Variants in NEGR1 observed in about 807,000 individuals in gnomAD.
The protein encoded by NEGR1 is IgLON family member 4.
A neutral mutation model predicts 40.9 loss-of-function variants in NEGR1; 10 were observed. The observed-to-expected ratio is 0.24, with a 90% confidence interval of 0.15 to 0.42. The LOEUF is 0.42. Ranked by LOEUF, NEGR1 falls within the 10% of genes least tolerant of loss-of-function variation. NEGR1 has a pLI of 1.00. For missense variants in NEGR1, 352 were observed against 438.9 expected (o/e 0.80, Z 1.77); for synonymous variants, 185 against 166.8 (o/e 1.11, Z -0.84).
At chr1:71,545,976 C>G (rs1325172336) in intron 6 of NEGR1, among the ~76,000 whole-genome samples, 1 of 151,634 alleles carries the variant, frequency 6.6e-6, no homozygotes, top group Non-Finnish European at 1.5e-5. Context: ...ATGGCTCAAC[C>G]ATTTCTATGG....
intron 4 of NEGR1, among the ~76,000 whole-genome samples, chr1:71,688,220 G>C (rs1653102522): frequency 6.7e-6 from 1 of 148,594 alleles, no homozygotes; most frequent in Admixed American, 6.8e-5. Context: ...TGAATTTAAA[G>C]CCAGGGTGCC....
chr1:71,812,268 G>A (rs1240919459), intron 2 of NEGR1, among the ~76,000 whole-genome samples: 1 of 152,022 alleles, frequency 6.6e-6, no homozygotes, highest in Non-Finnish European at 1.5e-5. Flanking sequence ...TGGTATATAT[G>A]TACCACATTT....
At chr1:71,514,203 GA>G (rs1375929758) in intron 6 of NEGR1, among the ~76,000 whole-genome samples, 2 of 115,188 alleles carry the variant, frequency 1.7e-5, no homozygotes, top group African/African-American at 7.4e-5. Flanking sequence ...CGGGAAGCTC[GA>G]ACTGGGTGGA....
At chr1:72,098,768 T>G (rs1031614204) in intron 1 of NEGR1, among the ~76,000 whole-genome samples, 1 of 152,168 alleles carries the variant, frequency 6.6e-6, no homozygotes, top group Non-Finnish European at 1.5e-5. Context: ...CTATAGTTAA[T>G]AACATCTAAT....
At chr1:71,912,679 C>A (rs1322783196) in intron 2 of NEGR1, among the ~76,000 whole-genome samples, 1 of 151,990 alleles carries the variant, frequency 6.6e-6, no homozygotes, top group Non-Finnish European at 1.5e-5. Flanking sequence ...TTTTTTGGAA[C>A]TTTTACTCCA....
At chr1:71,426,556 C>T (rs1646429956) in intron 6 of NEGR1, among the ~76,000 whole-genome samples, 1 of 152,144 alleles carries the variant, frequency 6.6e-6, no homozygotes, top group Admixed American at 6.6e-5. Flanking sequence ...TTAAAACAGT[C>T]TTCCCAAATG....
At chr1:71,460,279 T>C (rs1357619804) in intron 6 of NEGR1, among the ~76,000 whole-genome samples, 1 of 152,206 alleles carries the variant, frequency 6.6e-6, no homozygotes. Flanking sequence ...GCAGTCAGAC[T>C]AGACTGCTTC....
chr1:71,418,751 G>C (rs1646373413), intron 6 of NEGR1, among the ~76,000 whole-genome samples: 1 of 152,008 alleles, frequency 6.6e-6, no homozygotes, highest in Admixed American at 6.6e-5. Flanking sequence ...TCAAGGCCTT[G>C]CTTAGGTACT....
At chr1:71,875,139 G>T (rs1660388720) in intron 2 of NEGR1, among the ~76,000 whole-genome samples, 1 of 152,086 alleles carries the variant, frequency 6.6e-6, no homozygotes, top group Non-Finnish European at 1.5e-5. Context: ...CAGCCACTGT[G>T]CCTGGCCAAG....
chr1:72,199,889 A>G (rs551376998), intron 1 of NEGR1, among the ~76,000 whole-genome samples: 1 of 152,084 alleles, frequency 6.6e-6, no homozygotes, highest in East Asian at 1.9e-4. Flanking sequence ...CACTTCTCAG[A>G]AACACATACA....
At chr1:72,239,023 A>G (rs1654650145) in intron 1 of NEGR1, among the ~76,000 whole-genome samples, 1 of 151,746 alleles carries the variant, frequency 6.6e-6, no homozygotes. Context: ...CACATTCTAC[A>G]CTCATGGTCT....
At chr1:71,702,260 C>A (rs1354573406) in intron 3 of NEGR1, among the ~76,000 whole-genome samples, 3 of 151,920 alleles carry the variant, frequency 2.0e-5, no homozygotes, top group South Asian at 4.1e-4. Context: ...GATCTCTGAC[C>A]AGTGAATAAG....
intron 1 of NEGR1, among the ~76,000 whole-genome samples, chr1:71,952,388 A>G (rs1308138067): frequency 6.6e-6 from 1 of 152,014 alleles, no homozygotes; most frequent in East Asian, 1.9e-4. Context: ...ACAACAGGCT[A>G]TTAAACCAAA....
At chr1:71,738,685 G>A (rs1035965933) in intron 3 of NEGR1, among the ~76,000 whole-genome samples, 5 of 151,960 alleles carry the variant, frequency 3.3e-5, no homozygotes, top group African/African-American at 7.2e-5. Flanking sequence ...TGGCTCTGGC[G>A]GGGAGCCAGG....
At chr1:72,242,345 A>G (rs1371834265) in intron 1 of NEGR1, among the ~76,000 whole-genome samples, 2 of 151,464 alleles carry the variant, frequency 1.3e-5, no homozygotes, top group Non-Finnish European at 3.0e-5. Flanking sequence ...TTTTGCATGT[A>G]TATGTGTGTG....
chr1:72,233,495 G>A (rs1358261536), intron 1 of NEGR1, among the ~76,000 whole-genome samples: 1 of 151,932 alleles, frequency 6.6e-6, no homozygotes, highest in Non-Finnish European at 1.5e-5. Flanking sequence ...CTGTCTTTAT[G>A]CTATGTGTAC....
At chr1:72,076,608 C>A (rs1647748267) in intron 1 of NEGR1, among the ~76,000 whole-genome samples, 3 of 148,502 alleles carry the variant, frequency 2.0e-5, no homozygotes, top group Non-Finnish European at 4.4e-5. Flanking sequence ...TCTTCCATAA[C>A]AAGTGAGCCA....
chr1:72,219,090 G>C (rs866744835), intron 1 of NEGR1, among the ~76,000 whole-genome samples: 1 of 152,002 alleles, frequency 6.6e-6, no homozygotes, highest in East Asian at 1.9e-4. Flanking sequence ...AACTGAAGTT[G>C]CCTGAGTATA....
chr1:71,697,996 G>T lies in NEGR1; in HGVS notation c.667+12C>A. 15 of 1,606,800 alleles carry T rather than the reference G, an allele frequency of 9.3e-6. No individual in the cohort carries two copies. Among genetic ancestry groups the T allele is most frequent in the Non-Finnish European group, 1.3e-5 (15 of 1,176,332 alleles). ...CTCAGAACTTATCTTGATAAAAGGT[G>T]ATGACACTTACAGTTGACAACAACT... On this transcript the variant is annotated intron_variant, in intron 4 of 6. Transcript: ENST00000357731.
Sources: allele counts gnomAD v4.1 joint callset (sites outside exome capture counted in the v4.1 genomes callset), GRCh38; gene constraint gnomAD v4.1.1; transcripts MANE v1.5; gene names NCBI Gene and HGNC (gene_info 2026-07-23, HGNC 2026-07-21).